The following CTNNA3 variants were observed in gnomAD, a reference collection of about 807,000 sequenced individuals.
The protein encoded by CTNNA3 is catenin alpha-3.
Under a neutral mutation model 95.7 loss-of-function variants are expected in CTNNA3, and 76 were observed. The ratio of observed to expected loss-of-function variants is 0.79; its 90% CI spans 0.66 to 0.96. The LOEUF is 0.96. Ranked by LOEUF, CTNNA3 falls within the 40% of genes least tolerant of loss-of-function variation. CTNNA3 has a pLI of 0.00. For missense variants in CTNNA3, 1,191 were observed against 1,089.8 expected (o/e 1.09, Z -1.31); for synonymous variants, 431 against 374.4 (o/e 1.15, Z -1.74).
chr10:66,527,063 C>T (rs979149380), intron 10 of CTNNA3, among the ~76,000 whole-genome samples: 2 of 152,038 alleles, frequency 1.3e-5, no homozygotes, highest in African/African-American at 2.4e-5. Context: ...TTTTTAGTCA[C>T]TATGTTTAAG....
intron 5 of CTNNA3, among the ~76,000 whole-genome samples, chr10:67,474,000 T>G (rs1230451613): frequency 6.6e-6 from 1 of 152,176 alleles, no homozygotes; most frequent in East Asian, 1.9e-4. Flanking sequence ...GAAGGCCACA[T>G]GACAACAGAG....
intron 7 of CTNNA3, chr10:67,012,440 AGCTCACAATTGT>A (rs1287998470): frequency 6.6e-6 from 1 of 152,210 alleles, no homozygotes; most frequent in Non-Finnish European, 1.5e-5. Context: ...AAATTGTTAT[AGCTCACAATTGT>A]GAGGAAATTA....
chr10:66,862,752 C>A (rs4746644), intron 7 of CTNNA3, among the ~76,000 whole-genome samples: 46,765 of 152,030 alleles, frequency 0.31, 7,776 homozygotes, highest in East Asian at 0.54. Flanking sequence ...CAATGGTTCC[C>A]AGCTGTTTGA....
At chr10:66,148,108 A>G (rs1457241396) in intron 13 of CTNNA3, among the ~76,000 whole-genome samples, 1 of 151,864 alleles carries the variant, frequency 6.6e-6, no homozygotes, top group African/African-American at 2.4e-5. Context: ...TCTGTAATTT[A>G]CTTTTCCATT....
intron 11 of CTNNA3, among the ~76,000 whole-genome samples, chr10:66,473,050 G>A (rs1467752503): frequency 6.6e-6 from 1 of 151,956 alleles, no homozygotes; most frequent in Admixed American, 6.6e-5. Context: ...ACAAATTGTA[G>A]ATATTTATGG....
intron 5 of CTNNA3, among the ~76,000 whole-genome samples, chr10:67,416,711 C>G (rs565099777): frequency 1.3e-5 from 2 of 151,016 alleles, no homozygotes; most frequent in African/African-American, 4.9e-5. Context: ...TACTCCACAT[C>G]ACTATCAGAG....
chr10:67,662,663 A>G (rs1422328139), intron 1 of CTNNA3, among the ~76,000 whole-genome samples: 1 of 152,254 alleles, frequency 6.6e-6, no homozygotes, highest in Non-Finnish European at 1.5e-5. Context: ...AAATACAGGG[A>G]CAAAAAACAG....
At chr10:67,677,503 T>C (rs931842488) in intron 1 of CTNNA3, among the ~76,000 whole-genome samples, 2 of 152,112 alleles carry the variant, frequency 1.3e-5, no homozygotes, top group African/African-American at 2.4e-5. Flanking sequence ...TGAAACTCAC[T>C]TGTGTCTAAA....
At chr10:66,826,110 T>G (rs1842500347) in intron 7 of CTNNA3, among the ~76,000 whole-genome samples, 1 of 152,134 alleles carries the variant, frequency 6.6e-6, no homozygotes, top group South Asian at 2.1e-4. Flanking sequence ...CTAGGAAAAT[T>G]TAGGGGTGTT....
intron 14 of CTNNA3, among the ~76,000 whole-genome samples, chr10:66,084,154 A>AAAAAAAAG (rs1564627073): frequency 1.4e-5 from 2 of 141,398 alleles, no homozygotes; most frequent in African/African-American, 2.5e-5. Flanking sequence ...AAAAGAAAAA[A>AAAAAAAAG]AAAGAAAAAG....
intron 9 of CTNNA3, among the ~76,000 whole-genome samples, chr10:66,740,293 T>C (rs1034297765): frequency 1.3e-5 from 2 of 152,202 alleles, no homozygotes; most frequent in African/African-American, 4.8e-5. Context: ...TAAGAACAGT[T>C]TCTGAATGAC....
chr10:66,981,412 G>A (rs1348517319), intron 7 of CTNNA3, among the ~76,000 whole-genome samples: 1 of 152,148 alleles, frequency 6.6e-6, no homozygotes, highest in East Asian at 1.9e-4. Flanking sequence ...TGGATTTTGA[G>A]TCCCTTTGAA....
At chr10:66,728,031 G>C (rs1250199968) in intron 9 of CTNNA3, among the ~76,000 whole-genome samples, 3 of 152,154 alleles carry the variant, frequency 2.0e-5, no homozygotes, top group Non-Finnish European at 4.4e-5. Flanking sequence ...ACTAAATGAA[G>C]GGCGTATTGT....
intron 11 of CTNNA3, among the ~76,000 whole-genome samples, chr10:66,389,320 T>A (rs2092917845): frequency 6.6e-6 from 1 of 152,150 alleles, no homozygotes; most frequent in African/African-American, 2.4e-5. Context: ...ATTTAGAATA[T>A]TATGTTTTGA....
intron 13 of CTNNA3, among the ~76,000 whole-genome samples, chr10:66,243,863 C>T (rs1307646516): frequency 6.6e-6 from 1 of 152,108 alleles, no homozygotes; most frequent in African/African-American, 2.4e-5. Flanking sequence ...AGGTAGTATG[C>T]CATGGACCTT....
rs115769516 is a variant in CTNNA3 at position 67,257,320 on chromosome 10, T to C, written c.580-37450A>G. Among the ~76,000 whole-genome samples the C allele has an allele frequency of 1.4e-3, 216 of 152,330 alleles. 1 individual carries two copies. Among genetic ancestry groups the C allele is most frequent in the African/African-American group, 5.1e-3 (211 of 41,586 alleles). ...AAAAAGTAATCTGGAGAATAAAGTA[T>C]GTAAAGACTCCTAGAGTGCAATGCT... On this transcript the variant is annotated intron_variant, in intron 5 of 17. Transcript: ENST00000433211.
At chr10:67,440,626 T>C (rs561444621) in intron 5 of CTNNA3, among the ~76,000 whole-genome samples, 2 of 152,090 alleles carry the variant, frequency 1.3e-5, no homozygotes, top group South Asian at 4.2e-4. Context: ...TGCAGGCAGC[T>C]CAGCACAGAG....
chr10:66,281,388 A>G (rs2091488750), intron 12 of CTNNA3, among the ~76,000 whole-genome samples: 1 of 151,890 alleles, frequency 6.6e-6, no homozygotes, highest in Non-Finnish European at 1.5e-5. Context: ...TACTTTTCTA[A>G]GTGTTCAATG....
chr10:66,679,053 T>C (rs1255237831), intron 9 of CTNNA3, among the ~76,000 whole-genome samples: 2 of 152,166 alleles, frequency 1.3e-5, no homozygotes, highest in Non-Finnish European at 2.9e-5. Flanking sequence ...ATATGGTCAA[T>C]GTTTTGTTTT....
Sources: allele counts gnomAD v4.1 joint callset (sites outside exome capture counted in the v4.1 genomes callset), GRCh38; gene constraint gnomAD v4.1.1; transcripts MANE v1.5; gene names NCBI Gene and HGNC (gene_info 2026-07-23, HGNC 2026-07-21).